Variants in EFL1 observed in about 807,000 individuals in gnomAD.
EFL1 encodes elongation factor like GTPase 1.
In EFL1, 76 loss-of-function variants were observed where a neutral mutation model predicts 126.7. The ratio of observed to expected loss-of-function variants is 0.60; its 90% confidence interval spans 0.50 to 0.73. The LOEUF (loss-of-function observed/expected upper bound fraction) is 0.73. Ranked by LOEUF, EFL1 falls within the 30% of genes least tolerant of loss-of-function variation. The probability of loss-of-function intolerance (pLI) is 0.00; values close to 1 mark genes in which losing one functional copy is unlikely to be tolerated. For missense variants in EFL1, 1,128 were observed against 1,343.2 expected (o/e 0.84, Z 2.50); for synonymous variants, 410 against 448.4 (o/e 0.91, Z 1.08).
At chr15:82,262,222 T>C (rs1783345079) in intron 1 of EFL1, 1 of 156,228 alleles carries the variant, frequency 6.4e-6, no homozygotes, top group Non-Finnish European at 1.4e-5. Context: ...TCCCTCATTC[T>C]GACATTCTCG....
At chr15:82,171,831 A>C (rs1410509383) in intron 15 of EFL1, among the ~76,000 whole-genome samples, 2 of 152,062 alleles carry the variant, frequency 1.3e-5, no homozygotes, top group Non-Finnish European at 2.9e-5. Context: ...CATGTAACAA[A>C]TCTGCACACA....
chr15:82,215,624 C>T (rs2074637665), intron 14 of EFL1: 1 of 152,146 alleles, frequency 6.6e-6, no homozygotes, highest in East Asian at 1.9e-4. Flanking sequence ...AATTAACCAA[C>T]CAACCAATCT....
At chr15:82,170,410 G>A (rs1172604408) in intron 15 of EFL1, among the ~76,000 whole-genome samples, 1 of 152,190 alleles carries the variant, frequency 6.6e-6, no homozygotes, top group African/African-American at 2.4e-5. Flanking sequence ...CACCGCGCCC[G>A]GCCCCACTGG....
intron 4 of EFL1, among the ~76,000 whole-genome samples, chr15:82,242,237 A>G (rs1017049331): frequency 1.3e-5 from 2 of 151,898 alleles, no homozygotes; most frequent in African/African-American, 4.9e-5. Context: ...TAAAGGCAGA[A>G]TAACTATTAG....
At chr15:82,146,697 A>T (rs1277564734) in intron 18 of EFL1, among the ~76,000 whole-genome samples, 1 of 151,916 alleles carries the variant, frequency 6.6e-6, no homozygotes, top group Non-Finnish European at 1.5e-5. Context: ...TCAGGGGCAA[A>T]GTATTAAGAA....
intron 15 of EFL1, among the ~76,000 whole-genome samples, chr15:82,188,264 C>T (rs1324474863): frequency 2.0e-5 from 3 of 152,102 alleles, no homozygotes; most frequent in South Asian, 4.1e-4. Context: ...ATATAAGCGT[C>T]ATTGTCTTTT....
intron 19 of EFL1, among the ~76,000 whole-genome samples, chr15:82,131,241 C>T (rs2073640048): frequency 6.6e-6 from 1 of 151,906 alleles, no homozygotes; most frequent in African/African-American, 2.4e-5. Flanking sequence ...TTGCCTTTGT[C>T]CTCAACCTCA....
At chr15:82,208,783 C>T (rs1282228374) in intron 15 of EFL1, among the ~76,000 whole-genome samples, 1 of 151,332 alleles carries the variant, frequency 6.6e-6, no homozygotes, top group Non-Finnish European at 1.5e-5. Flanking sequence ...TATCCATTCC[C>T]GATTATTAAA....
chr15:82,210,336 C>T (rs2074570498), intron 15 of EFL1, among the ~76,000 whole-genome samples: 1 of 152,104 alleles, frequency 6.6e-6, no homozygotes, highest in Non-Finnish European at 1.5e-5. Context: ...GGGCTGAAGG[C>T]TTTGAAGGCT....
chr15:82,238,133 G>A (rs1185611700), intron 7 of EFL1, among the ~76,000 whole-genome samples, 174 bp downstream of exon 7: 3 of 152,176 alleles, frequency 2.0e-5, no homozygotes, highest in African/African-American at 7.2e-5. Flanking sequence ...AGTTCTACAA[G>A]ATGTTATCAT....
At chr15:82,243,541 A>G (rs1433721811) in intron 4 of EFL1, among the ~76,000 whole-genome samples, 1 of 39,438 alleles carries the variant, frequency 2.5e-5, no homozygotes, top group Non-Finnish European at 5.2e-5. Flanking sequence ...CAGACTTTAG[A>G]GTGGGAGAAC....
intron 19 of EFL1, among the ~76,000 whole-genome samples, chr15:82,138,426 G>GAGAGTGTA (rs1555423509): frequency 3.3e-5 from 1 of 30,726 alleles, no homozygotes; most frequent in Non-Finnish European, 6.6e-5. Context: ...GAGAGAGAGA[G>GAGAGTGTA]TGTATGTGTG....
At chr15:82,181,718 C>G (rs925939838) in intron 15 of EFL1, among the ~76,000 whole-genome samples, 1 of 151,794 alleles carries the variant, frequency 6.6e-6, no homozygotes. Flanking sequence ...GGCCAATGAA[C>G]GTGACACTGT....
chr15:82,145,073 G>A (rs2073829106), intron 18 of EFL1, among the ~76,000 whole-genome samples: 1 of 151,468 alleles, frequency 6.6e-6, no homozygotes, highest in African/African-American at 2.4e-5. Context: ...GGAGGCCGAG[G>A]CGGGTTGATA....
intron 13 of EFL1, 87 bp from the exon 14 acceptor site, chr15:82,219,905 T>A: frequency 1.3e-6 from 2 of 1,502,694 alleles, no homozygotes; most frequent in South Asian, 2.7e-5. Context: ...GTGAATATGA[T>A]ATCTTTCGTC....
chr15:82,195,572 C>A (rs2074400052), intron 15 of EFL1, among the ~76,000 whole-genome samples: 1 of 152,214 alleles, frequency 6.6e-6, no homozygotes, highest in Non-Finnish European at 1.5e-5. Context: ...CCTCCAGTCT[C>A]TCTTTGTGAT....
At chr15:82,229,265 A>G (rs145417259) in intron 8 of EFL1, among the ~76,000 whole-genome samples, 155 bp from the exon 9 acceptor site, 5 of 152,342 alleles carry the variant, frequency 3.3e-5, no homozygotes, top group African/African-American at 7.2e-5. Flanking sequence ...AGAATGCACT[A>G]AACAGTCAAT....
intron 19 of EFL1, among the ~76,000 whole-genome samples, chr15:82,136,113 A>C (rs1242032504): frequency 6.6e-6 from 1 of 152,254 alleles, no homozygotes; most frequent in Non-Finnish European, 1.5e-5. Context: ...TTTTCTAAAA[A>C]AAAAAGCTTT....
intron 15 of EFL1, among the ~76,000 whole-genome samples, chr15:82,166,198 T>C (rs2074078290): frequency 6.6e-6 from 1 of 152,232 alleles, no homozygotes; most frequent in African/African-American, 2.4e-5. Flanking sequence ...AATGAAAAGA[T>C]AAATGCTGGT....
Sources: gnomAD v4.1 joint callset for allele counts (sites outside exome capture counted in the v4.1 genomes callset) on GRCh38, gnomAD v4.1.1 for gene constraint, MANE v1.5 for transcripts, NCBI Gene and HGNC (gene_info 2026-07-23, HGNC 2026-07-21) for gene names.